RSU1: variants seen among roughly 807,000 people sequenced by gnomAD.
RSU1 encodes the protein Ras suppressor protein 1, also known as rsu-1.
In RSU1, 26 loss-of-function variants were observed where a neutral mutation model predicts 31.1. The ratio of observed to expected loss-of-function variants is 0.84; its 90% confidence interval spans 0.61 to 1.16. The LOEUF (loss-of-function observed/expected upper bound fraction) is 1.16. Ranked by LOEUF, RSU1 falls within the 50% of genes most tolerant of loss-of-function variation. The probability of loss-of-function intolerance (pLI) is 0.00; values close to 1 mark genes in which losing one functional copy is unlikely to be tolerated. For missense variants in RSU1, 320 were observed against 339.1 expected (o/e 0.94, Z 0.44); for synonymous variants, 164 against 136.3 (o/e 1.20, Z -1.41).
At chr10:16,787,226 CTT>C (rs1424749629) in intron 2 of RSU1, among the ~76,000 whole-genome samples, 2 of 152,160 alleles carry the variant, frequency 1.3e-5, no homozygotes, top group Non-Finnish European at 2.9e-5. Context: ...ACCTCCTGTG[CTT>C]TTATTAAGTC....
At chr10:16,784,185 A>C (rs1837719058) in intron 2 of RSU1, among the ~76,000 whole-genome samples, 1 of 151,792 alleles carries the variant, frequency 6.6e-6, no homozygotes, top group African/African-American at 2.4e-5. Flanking sequence ...AGGCTCAAGC[A>C]ATCCCCCCAC....
intron 7 of RSU1, among the ~76,000 whole-genome samples, chr10:16,696,961 T>C (rs1313040697): frequency 2.0e-5 from 3 of 152,226 alleles, no homozygotes; most frequent in Non-Finnish European, 4.4e-5. Context: ...GCACTCAATT[T>C]ATCTTGTCTT....
intron 7 of RSU1, among the ~76,000 whole-genome samples, chr10:16,704,976 T>G (rs1182390285): frequency 4.6e-5 from 7 of 152,144 alleles, no homozygotes; most frequent in Non-Finnish European, 8.8e-5. Flanking sequence ...CTCCATGACT[T>G]TTTTTCATCT....
At chr10:16,786,549 G>A (rs1200600596) in intron 2 of RSU1, among the ~76,000 whole-genome samples, 2 of 151,946 alleles carry the variant, frequency 1.3e-5, no homozygotes, top group East Asian at 3.9e-4. Flanking sequence ...TTACTTTGGG[G>A]TGGGGGGGAG....
intron 8 of RSU1, among the ~76,000 whole-genome samples, chr10:16,613,003 A>C (rs1163086798): frequency 2.0e-5 from 3 of 152,006 alleles, no homozygotes; most frequent in Non-Finnish European, 4.4e-5. Context: ...GAGCATTAAC[A>C]ATGCATTTCT....
chr10:16,817,390 C>T lies in RSU1; in HGVS notation c.-79G>A, dbSNP rs780315902. The stretch of plus-strand genomic sequence containing the variant: ...GAACGCACTCCAGCTGCCCTCACTC[C>T]CTGCAACACCGGCACTGAACAGCGA... On this transcript the variant is annotated 5_prime_UTR_variant, in exon 1 of 9. Transcript: ENST00000345264. 2.9e-6 allele frequency: 1 copy of T among 346,130 alleles called. No homozygotes were observed. Among genetic ancestry groups the T allele is most frequent in the African/African-American group, 2.1e-5 (1 of 47,146 alleles). 21.4% of individuals were successfully genotyped at this position (346,130 alleles called of 1,614,324 possible).
intron 8 of RSU1, among the ~76,000 whole-genome samples, chr10:16,675,200 C>CAAA (rs4012468): frequency 0.019 from 1,786 of 95,106 alleles, 33 homozygotes; most frequent in Middle Eastern, 0.034. Context: ...GACTCTGTCT[C>CAAA]AAAAAAAAAA....
At chr10:16,700,089 G>A (rs1023903497) in intron 7 of RSU1, among the ~76,000 whole-genome samples, 1 of 152,120 alleles carries the variant, frequency 6.6e-6, no homozygotes, top group African/African-American at 2.4e-5. Context: ...GAAATTGGTT[G>A]TTTCCATAAT....
At chr10:16,658,522 G>A (rs1254291822) in intron 8 of RSU1, among the ~76,000 whole-genome samples, 1 of 152,118 alleles carries the variant, frequency 6.6e-6, no homozygotes, top group Admixed American at 6.5e-5. Flanking sequence ...TCAGGAGTTC[G>A]AGACCAGCCT....
At chr10:16,740,531 G>A (rs551523680) in intron 7 of RSU1, among the ~76,000 whole-genome samples, 6 of 152,264 alleles carry the variant, frequency 3.9e-5, no homozygotes, top group South Asian at 4.1e-4. Context: ...AAGACATCCA[G>A]ATTGGAAAGG....
intron 8 of RSU1, among the ~76,000 whole-genome samples, chr10:16,599,663 T>C (rs1833683087): frequency 6.6e-6 from 1 of 152,214 alleles, no homozygotes. Flanking sequence ...AGGGAAACGC[T>C]CTTGTCCCTT....
chr10:16,773,670 A>C lies in RSU1; in HGVS notation c.160+8364T>G, dbSNP rs1453043163. Among the ~76,000 whole-genome samples the C allele has an allele frequency of 2.0e-5, 3 of 152,148 alleles. No homozygotes were observed. The East Asian group carries it at 5.8e-4, about 29-fold the overall frequency. ...ACGTAATACAGAGTGGGGGTTCAAC[A>C]AATTCACTCTTTTCTCTTTCACTTC... On this transcript the variant is annotated intron_variant, in intron 3 of 8. Transcript: ENST00000345264.
intron 3 of RSU1, among the ~76,000 whole-genome samples, chr10:16,768,114 C>A (rs1677353535): frequency 6.6e-6 from 1 of 152,148 alleles, no homozygotes; most frequent in African/African-American, 2.4e-5. Flanking sequence ...ATCAATCTGT[C>A]CAGCTTCTGA....
chr10:16,773,198 C>CA (rs550690335), intron 3 of RSU1, among the ~76,000 whole-genome samples: 22 of 131,970 alleles, frequency 1.7e-4, no homozygotes, highest in South Asian at 2.4e-4. Flanking sequence ...GACCCTGTCT[C>CA]AAAAAAAAAG....
At chr10:16,659,403 C>A (rs557917416) in intron 8 of RSU1, among the ~76,000 whole-genome samples, 1 of 149,544 alleles carries the variant, frequency 6.7e-6, no homozygotes, top group Non-Finnish European at 1.5e-5. Context: ...ATTCAATATA[C>A]CTGGAACCGA....
chr10:16,646,270 G>C (rs1339116009), intron 8 of RSU1, among the ~76,000 whole-genome samples: 2 of 151,954 alleles, frequency 1.3e-5, no homozygotes, highest in Non-Finnish European at 2.9e-5. Context: ...AAAGGAGAAA[G>C]ACACCAGGTC....
At chr10:16,605,457 A>G (rs1833786843) in intron 8 of RSU1, among the ~76,000 whole-genome samples, 1 of 152,194 alleles carries the variant, frequency 6.6e-6, no homozygotes, top group African/African-American at 2.4e-5. Context: ...AAGTATTACA[A>G]ATATCCAAAT....
intron 3 of RSU1, among the ~76,000 whole-genome samples, chr10:16,769,153 A>G (rs1837374584): frequency 6.6e-6 from 1 of 152,220 alleles, no homozygotes; most frequent in South Asian, 2.1e-4. Flanking sequence ...TGTTGTAACA[A>G]TCGCAGTTTC....
intron 8 of RSU1, among the ~76,000 whole-genome samples, chr10:16,603,830 G>A (rs1430639205): frequency 6.6e-6 from 1 of 151,992 alleles, no homozygotes; most frequent in East Asian, 1.9e-4. Flanking sequence ...AACTGTATAT[G>A]TATGTGCTTG....
Sources: gnomAD v4.1 joint callset for allele counts (sites outside exome capture counted in the v4.1 genomes callset) on GRCh38, gnomAD v4.1.1 for gene constraint, MANE v1.5 for transcripts, NCBI Gene and HGNC (gene_info 2026-07-23, HGNC 2026-07-21) for gene names.